Variants in KATNIP observed in about 807,000 individuals in gnomAD.
KATNIP encodes katanin interacting protein, also known as katanin-interacting protein.
KATNIP carries 126 observed loss-of-function variants against 174.0 expected under a neutral mutation model. The observed-to-expected ratio is 0.72, with a 90% confidence interval of 0.63 to 0.84. The LOEUF (loss-of-function observed/expected upper bound fraction) is 0.84. KATNIP is among the 40% of genes least tolerant of loss of function. The pLI is 0.00. For synonymous variants in KATNIP, 810 were observed against 835.7 expected, an observed-to-expected ratio of 0.97 and a Z score of 0.53; for missense variants, 1,958 against 2,109.7, an observed-to-expected ratio of 0.93 and a Z score of 1.41.
At chr16:27,601,110 C>T (rs1028160784) in intron 2 of KATNIP, among the ~76,000 whole-genome samples, 2 of 152,206 alleles carry the variant, frequency 1.3e-5, no homozygotes, top group African/African-American at 4.8e-5. Context: ...ACTCCAAGTT[C>T]CTTGAGGCCA....
chr16:27,673,959 A>G (rs1031244207), intron 6 of KATNIP, among the ~76,000 whole-genome samples: 1 of 152,126 alleles, frequency 6.6e-6, no homozygotes, highest in Non-Finnish European at 1.5e-5. Flanking sequence ...TCGAGCACCT[A>G]CTATGTGCCA....
At chr16:27,586,279 TTAAAAA>T (rs2090894826) in intron 2 of KATNIP, among the ~76,000 whole-genome samples, 1 of 151,800 alleles carries the variant, frequency 6.6e-6, no homozygotes, top group Non-Finnish European at 1.5e-5. Context: ...CCCACAAAAA[TTAAAAA>T]TAAAAATAAA....
rs374978471 is a variant in KATNIP at position 27,698,496 on chromosome 16, T to G, written c.1109T>G (p.Leu370Arg). ...AAGGCCGAGCAGCCAGCCAGCCCAC[T>G]GCAGGTGCGCTCCGGGCTGGGAGAG... ...SRKAEQPASP[L>R]QDAEGPPAKP... The change falls in exon 9 of 28, where the codon CTG (leucine) becomes CGG (arginine). Residue 370 changes from leucine to arginine, a missense_variant. Transcript: ENST00000261588. 1.9e-6 allele frequency: 3 copies of G among 1,607,364 alleles called. No individual in the cohort carries two copies. The highest frequency in any genetic ancestry group is 1.7e-5 in the Admixed American group (1 of 59,698).
At chr16:27,653,962 T>C (rs2077191479) in intron 6 of KATNIP, among the ~76,000 whole-genome samples, 1 of 151,952 alleles carries the variant, frequency 6.6e-6, no homozygotes, top group South Asian at 2.1e-4. Context: ...TAAGCCACCA[T>C]GGCCAGCCCC....
At position 27,681,264 on chromosome 16, in the gene KATNIP, A is replaced by G; in HGVS notation, c.809-135A>G. 1.7e-6 allele frequency: 2 copies of G among 1,154,908 alleles called. 1 individual carries two copies. The highest frequency in any genetic ancestry group is 2.7e-5 in the South Asian group (2 of 73,068). The allele number at this position is 1,154,908 out of a possible 1,614,324, so 71.5% of individuals were successfully genotyped here. A position where few individuals can be genotyped will look rare whatever the true frequency, so the allele number is the denominator to read the frequency against. On this transcript the variant is annotated intron_variant, in intron 7 of 27. Coordinates refer to ENST00000261588, the MANE Select transcript of KATNIP (RefSeq NM_015202.5). ...CGTCGCCTGCATTATTCACATCTCTAATCCCAAACTGCACAAAGTAGTTCC... is the reference window on the plus strand; with the variant it reads ...CGTCGCCTGCATTATTCACATCTCTGATCCCAAACTGCACAAAGTAGTTCC...
At chr16:27,608,790 T>C (rs2075798384) in intron 2 of KATNIP, among the ~76,000 whole-genome samples, 1 of 152,230 alleles carries the variant, frequency 6.6e-6, no homozygotes, top group Non-Finnish European at 1.5e-5. Flanking sequence ...ACATTGAGGC[T>C]CTGCTTTCGT....
At chr16:27,619,651 C>T (rs758748219) in intron 3 of KATNIP, among the ~76,000 whole-genome samples, 37 of 152,220 alleles carry the variant, frequency 2.4e-4, no homozygotes, top group Non-Finnish European at 1.0e-4. Flanking sequence ...CATCTCTGCC[C>T]ACCAGCCCCT....
intron 15 of KATNIP, among the ~76,000 whole-genome samples, chr16:27,745,724 A>G (rs1291122353): frequency 6.6e-6 from 1 of 152,184 alleles, no homozygotes; most frequent in Non-Finnish European, 1.5e-5. Context: ...AGGAATTTTG[A>G]TAGCACCATC....
At chr16:27,642,764 A>T (rs1048697361) in intron 5 of KATNIP, among the ~76,000 whole-genome samples, 14 of 135,872 alleles carry the variant, frequency 1.0e-4, no homozygotes, top group African/African-American at 2.5e-4. Flanking sequence ...TTTAATTTTT[A>T]AAAAATTTTT....
intron 22 of KATNIP, among the ~76,000 whole-genome samples, chr16:27,772,435 T>A (rs1449977737): frequency 1.3e-5 from 2 of 152,218 alleles, no homozygotes; most frequent in African/African-American, 4.8e-5. Flanking sequence ...GGAAGCACTG[T>A]CTCTGGCTAT....
chr16:27,723,237 G>C (rs1004966728), intron 14 of KATNIP, among the ~76,000 whole-genome samples: 3 of 152,138 alleles, frequency 2.0e-5, no homozygotes, highest in Non-Finnish European at 4.4e-5. Flanking sequence ...CCTTGGCCCA[G>C]AGGATCAAGG....
intron 13 of KATNIP, among the ~76,000 whole-genome samples, chr16:27,714,361 TA>T (rs371452864): frequency 1.6e-3 from 245 of 152,332 alleles, no homozygotes; most frequent in African/African-American, 4.9e-3. Flanking sequence ...GTGCCATATA[TA>T]TTTTTTTGTT....
intron 19 of KATNIP, among the ~76,000 whole-genome samples, chr16:27,764,969 CGATTA>C (rs1199760478): frequency 6.6e-6 from 1 of 151,862 alleles, no homozygotes; most frequent in Non-Finnish European, 1.5e-5. Flanking sequence ...GTAAACACTT[CGATTA>C]TGAGATTTTT....
At chr16:27,615,328 C>CT (rs2076010627) in intron 2 of KATNIP, among the ~76,000 whole-genome samples, 1 of 145,138 alleles carries the variant, frequency 6.9e-6, no homozygotes. Context: ...GAGTGGGAAT[C>CT]TTTTTTATTA....
At position 27,775,033 on chromosome 16, in the gene KATNIP, C is replaced by G. The variant is rs572755463; in HGVS notation, c.4398C>G (p.Asn1466Lys). 1.2e-6 allele frequency: 2 copies of G among 1,613,492 alleles called. No individual in the cohort carries two copies. The highest frequency in any genetic ancestry group is 2.2e-5 in the South Asian group (2 of 91,046). ...RTPDKLIDQVNDTSDGRHMWL... is the reference protein window; with the variant it reads ...RTPDKLIDQVKDTSDGRHMWL... The stretch of plus-strand genomic sequence containing the variant: ...CAGACAAGCTCATCGACCAAGTGAA[C>G]GACACCAGTGATGGCCGGCACATGT... Residue 1466 changes from asparagine (N) to lysine (K), a missense_variant, in exon 24 of 28, where the codon AAC becomes AAG. Around this residue, in one of 3 missense-constraint regions of KATNIP, gnomAD observed 383 missense variants for 456.0 expected, o/e 0.84. Coordinates refer to ENST00000261588, the MANE Select transcript of KATNIP (RefSeq NM_015202.5).
chr16:27,741,587 AG>A (rs1177526110), intron 15 of KATNIP, among the ~76,000 whole-genome samples: 3 of 152,104 alleles, frequency 2.0e-5, no homozygotes, highest in Non-Finnish European at 2.9e-5. Flanking sequence ...CACTCCACTC[AG>A]GTTTCTAATA....
intron 14 of KATNIP, among the ~76,000 whole-genome samples, chr16:27,731,785 AT>A (rs564751342): frequency 2.0e-5 from 3 of 151,878 alleles, no homozygotes; most frequent in Non-Finnish European, 4.4e-5. Flanking sequence ...CACAGGGCTA[AT>A]TTTTTTGTAT....
chr16:27,694,467 C>T (rs1597193747), intron 8 of KATNIP, among the ~76,000 whole-genome samples: 1 of 152,034 alleles, frequency 6.6e-6, no homozygotes. Flanking sequence ...ATCTTTGATA[C>T]CCTTAAATGA....
intron 14 of KATNIP, among the ~76,000 whole-genome samples, chr16:27,737,763 A>G (rs2080951526): frequency 6.6e-6 from 1 of 151,876 alleles, no homozygotes; most frequent in African/African-American, 2.4e-5. Flanking sequence ...ACACCCACCC[A>G]CTCCTAGGAG....
Sources: allele counts gnomAD v4.1 joint callset (sites outside exome capture counted in the v4.1 genomes callset), GRCh38; gene constraint gnomAD v4.1.1; regional missense constraint gnomAD v4.1.1; transcripts MANE v1.5; gene names NCBI Gene and HGNC (gene_info 2026-07-23, HGNC 2026-07-21).